The following BAIAP2 variants were observed in gnomAD, a reference collection of about 807,000 sequenced individuals.
The protein encoded by BAIAP2 is BAR/IMD domain-containing adapter protein 2.
BAIAP2 carries 18 observed loss-of-function variants against 63.0 expected under a neutral mutation model. That is an observed-to-expected ratio of 0.29 (90% CI 0.20 to 0.42). The LOEUF is 0.42. BAIAP2 is among the 10% of genes least tolerant of loss of function. The pLI is 1.00. For missense variants in BAIAP2, 610 were observed against 734.3 expected (o/e 0.83, Z 1.96); for synonymous variants, 386 against 307.6 (o/e 1.25, Z -2.67).
chr17:81,096,591 C>G (rs765681408), intron 6 of BAIAP2, among the ~76,000 whole-genome samples: 16 of 152,236 alleles, frequency 1.1e-4, no homozygotes, highest in Non-Finnish European at 2.2e-4. Context: ...TCTCCAGGCC[C>G]CTCCTTGTGC....
intron 3 of BAIAP2, among the ~76,000 whole-genome samples, chr17:81,067,288 C>G (rs1002755919): frequency 1.1e-4 from 16 of 152,380 alleles, no homozygotes; most frequent in Admixed American, 7.8e-4. Flanking sequence ...GCCTCCCGCC[C>G]CATGGGGATC....
At chr17:81,047,911 C>T (rs1332477360) in intron 1 of BAIAP2, among the ~76,000 whole-genome samples, 2 of 152,246 alleles carry the variant, frequency 1.3e-5, no homozygotes, top group Admixed American at 6.5e-5. Flanking sequence ...TGCATGGGTC[C>T]ATATGCACGC....
At chr17:81,069,529 G>A (rs79816293) in intron 3 of BAIAP2, among the ~76,000 whole-genome samples, 10,476 of 152,280 alleles carry the variant, frequency 0.069, 489 homozygotes, top group East Asian at 0.23. Context: ...TGGGCAGCTG[G>A]GGTCCAGGGC....
At position 81,100,089 on chromosome 17, in the gene BAIAP2, G is replaced by A; in HGVS notation, c.642+9G>A. On this transcript the variant is annotated intron_variant, in intron 7 of 13. Coordinates refer to ENST00000428708, the MANE Select transcript of BAIAP2 (RefSeq NM_001144888.2). ...CGGCCTACCACTCCAAGGTGAGGCG[G>A]CTGGGGGCTGCGCTGTGCCGGCGCT... The A allele has an allele frequency of 6.2e-7, 1 of 1,606,760 alleles. No homozygotes were observed. Among genetic ancestry groups the A allele is most frequent in the Non-Finnish European group, 8.5e-7 (1 of 1,177,318 alleles).
At chr17:81,090,837 C>T (rs2056604135) in intron 6 of BAIAP2, among the ~76,000 whole-genome samples, 1 of 149,424 alleles carries the variant, frequency 6.7e-6, no homozygotes, top group Admixed American at 6.8e-5. Flanking sequence ...CCCCTTGCCC[C>T]ACCCAGGGCT....
rs8073224 is a variant in BAIAP2, at chr17:81,035,353, T to C, written c.54+45T>C. 0.9 allele frequency: 1,112,482 copies of C among 1,231,708 alleles called. 502,910 individuals carry two copies. Among genetic ancestry groups the C allele is most frequent in the East Asian group, 0.93 (20,573 of 22,098 alleles). The allele number at this position is 1,231,708 out of a possible 1,614,324, so 76.3% of individuals were successfully genotyped here. ...GAGCTGAGCCCGCTCCGTGTGCGCC[T>C]GGGTCGCGCGCCGCCCGCGCGCCCG... On this transcript the variant is annotated intron_variant, in intron 1 of 13. Coordinates refer to ENST00000428708, the MANE Select transcript of BAIAP2 (RefSeq NM_001144888.2).
intron 2 of BAIAP2, 22 bp from the exon 3 acceptor site, chr17:81,057,859 G>T: frequency 6.2e-7 from 1 of 1,604,110 alleles, no homozygotes. Context: ...GGAAATAACT[G>T]CTCCCTTTTC....
chr17:81,099,957 C>T lies in BAIAP2; in HGVS notation c.519C>T (p.Gly173=), dbSNP rs144930503. The change falls in exon 7 of 14, where the codon GGC becomes GGT. Residue 173 remains glycine, a synonymous_variant. Coordinates refer to ENST00000428708, the MANE Select transcript of BAIAP2 (RefSeq NM_001144888.2). Reference sequence around the variant, plus strand: ...TCGACGCCATCAGCAACAAGCAGGGCGAGCTGGAGAATTACGTGTCCGACG... The same window carrying T: ...TCGACGCCATCAGCAACAAGCAGGGTGAGCTGGAGAATTACGTGTCCGACG... ...QYIDAISNKQ[G]ELENYVSDGY... The T allele has an allele frequency of 4.6e-4, 748 of 1,613,412 alleles. 1 individual carries two copies. The highest frequency in any genetic ancestry group is 5.8e-4 in the Non-Finnish European group (687 of 1,179,932).
intron 13 of BAIAP2, chr17:81,109,993 T>A: frequency 1.0e-6 from 1 of 985,416 alleles, no homozygotes; most frequent in Non-Finnish European, 1.2e-6. Flanking sequence ...CTAAACGCTC[T>A]CGTCTTTTTG....
chr17:81,103,478 C>CCCTT, intron 7 of BAIAP2, 24 bp from the exon 8 acceptor site: 1 of 1,542,520 alleles, frequency 6.5e-7, no homozygotes, highest in Non-Finnish European at 8.7e-7. Context: ...CCTGACCCCT[C>CCCTT]CCTTCCTGCT....
intron 3 of BAIAP2, among the ~76,000 whole-genome samples, chr17:81,077,607 A>G (rs960791263): frequency 2.0e-5 from 3 of 151,270 alleles, no homozygotes; most frequent in African/African-American, 4.9e-5. Context: ...TGTTATGTGA[A>G]TTTTTCTCAA....
chr17:81,104,912 G>A (rs1180756040), intron 10 of BAIAP2, among the ~76,000 whole-genome samples, 197 bp downstream of exon 10: 1 of 152,058 alleles, frequency 6.6e-6, no homozygotes, highest in African/African-American at 2.4e-5. Flanking sequence ...TCCCCTGGCA[G>A]GGGTCTTCGC....
At chr17:81,105,059 G>A in intron 10 of BAIAP2, 1 of 230,418 alleles carries the variant, frequency 4.3e-6, no homozygotes. Context: ...CCATGGCAGG[G>A]GTCTCCCCCC....
At position 81,106,901 on chromosome 17, in the gene BAIAP2, C is replaced by T; in HGVS notation, c.1494C>T (p.Phe498=). 6.5e-7 allele frequency: 1 copy of T among 1,547,710 alleles called. No individual in the cohort carries two copies. Among genetic ancestry groups the T allele is most frequent in the Non-Finnish European group, 8.7e-7 (1 of 1,146,442 alleles). ...QRPYSVAVPA[F]SQGLDDYGAR... is the part of the protein sequence containing the mutation. Reference sequence around the variant, plus strand: ...CCTACAGTGTGGCCGTGCCCGCCTTCTCCCAGGTCAGTGGGCGGGGCCGGG... The same window carrying T: ...CCTACAGTGTGGCCGTGCCCGCCTTTTCCCAGGTCAGTGGGCGGGGCCGGG... The change falls in exon 12 of 14, where the codon TTC becomes TTT. Residue 498 remains phenylalanine, a synonymous_variant. Coordinates refer to ENST00000428708, the MANE Select transcript of BAIAP2 (RefSeq NM_001144888.2).
In BAIAP2 at chr17:81,059,297, C is replaced by A. The variant is rs538864010; in HGVS notation, c.217+1330C>A. 2.0e-5 allele frequency among the ~76,000 whole-genome samples: 3 copies of A among 152,298 alleles called. No homozygotes were observed. In the South Asian group the frequency reaches 6.2e-4, roughly 32 times the overall value. Reference sequence around the variant, plus strand: ...GGTCCCCGGGCCTCCGCAGACTCAGCCTGGAGGATGACGTGTGAGATGCAT... The same window carrying A: ...GGTCCCCGGGCCTCCGCAGACTCAGACTGGAGGATGACGTGTGAGATGCAT... On this transcript the variant is annotated intron_variant, in intron 3 of 13. Transcript: ENST00000428708.
intron 3 of BAIAP2, among the ~76,000 whole-genome samples, chr17:81,058,614 C>A (rs1459705391): frequency 6.6e-6 from 1 of 152,220 alleles, no homozygotes; most frequent in Non-Finnish European, 1.5e-5. Context: ...GGCCGGCTGC[C>A]TGTGCTCACT....
intron 6 of BAIAP2, among the ~76,000 whole-genome samples, chr17:81,093,084 CTGGGCTGGGCTGGG>C (rs2145583019): frequency 3.2e-5 from 1 of 31,402 alleles, no homozygotes; most frequent in East Asian, 5.3e-4. Flanking sequence ...ACTCCCTGGG[CTGGGCTGGGCTGGG>C]CTGGGCTGGG....
At chr17:81,072,384 A>G (rs2052846405) in intron 3 of BAIAP2, among the ~76,000 whole-genome samples, 1 of 152,202 alleles carries the variant, frequency 6.6e-6, no homozygotes, top group Non-Finnish European at 1.5e-5. Context: ...CCCTATGTCC[A>G]TGCCTTGTGG....
At position 81,106,833 on chromosome 17, in the gene BAIAP2, CG is replaced by C; in HGVS notation, c.1429del (p.Ala477ProfsTer34). ...ACCCCCCGATTACGGCGCCGCCTCC[CG>C]GGCCTTCCCCGCCCAGACGGCCAGC... ...IPPPDYGAAS[R>X]AFPAQTASGF... On this transcript the variant is annotated frameshift_variant, in exon 12 of 14. Coordinates refer to ENST00000428708, the MANE Select transcript of BAIAP2 (RefSeq NM_001144888.2). LOFTEE classifies it high-confidence loss of function. The C allele has an allele frequency of 6.2e-7, 1 of 1,611,106 alleles. No homozygotes were observed.
Sources: allele counts gnomAD v4.1 joint callset (sites outside exome capture counted in the v4.1 genomes callset), GRCh38; gene constraint gnomAD v4.1.1; transcripts MANE v1.5; gene names NCBI Gene and HGNC (gene_info 2026-07-23, HGNC 2026-07-21).